The following CUL5 variants were observed in gnomAD, a reference collection of about 807,000 sequenced individuals.
CUL5 encodes the protein cullin 5, also known as cullin-5.
A neutral mutation model predicts 108.8 loss-of-function variants in CUL5; 26 were observed. That is an observed-to-expected ratio of 0.24 (90% CI 0.18 to 0.33). The LOEUF is 0.33. Among genes scored for constraint, CUL5 ranks in the 10% least tolerant of loss-of-function variants. The pLI is 1.00. For synonymous variants in CUL5, 334 were observed against 298.0 expected (o/e 1.12, Z -1.25); for missense variants, 524 against 909.2 (o/e 0.58, Z 5.45).
At chr11:108,061,023 A>G (rs1247372837) in intron 7 of CUL5, among the ~76,000 whole-genome samples, 1 of 152,174 alleles carries the variant, frequency 6.6e-6, no homozygotes, top group Non-Finnish European at 1.5e-5. Context: ...TGATAGTTAA[A>G]GTGTTTCACC....
chr11:108,103,923 A>G (rs1410493257), intron 18 of CUL5, among the ~76,000 whole-genome samples: 1 of 152,206 alleles, frequency 6.6e-6, no homozygotes, highest in Non-Finnish European at 1.5e-5. Flanking sequence ...CCCGTCATCT[A>G]CATGAGGTGT....
chr11:108,085,418 A>C (rs1219498587), intron 11 of CUL5, among the ~76,000 whole-genome samples: 1 of 151,310 alleles, frequency 6.6e-6, no homozygotes, highest in East Asian at 2.0e-4. Context: ...TTACCAGGGG[A>C]TGGGGAAGGG....
chr11:108,069,481 T>A (rs1206155199), intron 7 of CUL5, among the ~76,000 whole-genome samples: 1 of 152,154 alleles, frequency 6.6e-6, no homozygotes, highest in African/African-American at 2.4e-5. Flanking sequence ...AGGATCCCAT[T>A]TAGATACCAA....
In CUL5 at chr11:108,009,022, G is replaced by C. The variant is rs938263756; in HGVS notation, c.-327G>C. The C allele has an allele frequency of 4.5e-5, 18 of 401,994 alleles. No homozygotes were observed. Among genetic ancestry groups the C allele is most frequent in the African/African-American group, 3.7e-4 (18 of 48,282 alleles). The allele number at this position is 401,994 out of a possible 1,614,324, so 24.9% of individuals were successfully genotyped here. A position where few individuals can be genotyped will look rare whatever the true frequency, so the allele number is the denominator to read the frequency against. ...CCACAAAGGCTAATCCGAAGGAGTC[G>C]GGGAGGCTCGTGGAGTCGATGCTTC... On this transcript the variant is annotated 5_prime_UTR_variant, in exon 1 of 19. Transcript: ENST00000393094.
chr11:108,017,085 C>T (rs561994173), intron 1 of CUL5, among the ~76,000 whole-genome samples: 1 of 152,184 alleles, frequency 6.6e-6, no homozygotes, highest in East Asian at 1.9e-4. Flanking sequence ...TTATGCTGTA[C>T]TGGATACCAT....
At chr11:108,090,893 A>G (rs748313199) in intron 13 of CUL5, among the ~76,000 whole-genome samples, 1 of 152,194 alleles carries the variant, frequency 6.6e-6, no homozygotes, top group African/African-American at 2.4e-5. Flanking sequence ...ACTGCTTAGT[A>G]GGAAAAAGAA....
chr11:108,022,732 A>AG (rs1476431489), intron 1 of CUL5, among the ~76,000 whole-genome samples: 1 of 152,126 alleles, frequency 6.6e-6, no homozygotes, highest in Non-Finnish European at 1.5e-5. Context: ...CTGAAGCCTT[A>AG]GCTGTGTGCT....
Position 108,070,163 on chromosome 11 carries a change from G to A in CUL5, c.848G>A (p.Gly283Asp), listed in dbSNP as rs1421572823. ...GAGACTATCTTAGCTGAGTGCCAAG[G>A]CATGATCAAGAGAAATGAAACTGAA... The part of the protein sequence containing the change: ...FKETILAECQ[G>D]MIKRNETEKL... The change falls in exon 8 of 19, where the codon GGC (glycine) becomes GAC (aspartate). Residue 283 changes from glycine (G) to aspartate (D), a missense_variant. By Grantham distance (94) the Gly-to-Asp change is moderately conservative (BLOSUM62 -1). Around this residue, in one of 8 missense-constraint regions of CUL5, gnomAD observed 170 missense variants for 305.1 expected, o/e 0.56. Transcript: ENST00000393094. The A allele has an allele frequency of 5.6e-6, 9 of 1,611,658 alleles. No individual in the cohort carries two copies. Among genetic ancestry groups the A allele is most frequent in the East Asian group, 2.2e-5 (1 of 44,770 alleles).
At chr11:108,039,827 A>G (rs1862846983) in intron 2 of CUL5, among the ~76,000 whole-genome samples, 1 of 152,150 alleles carries the variant, frequency 6.6e-6, no homozygotes, top group South Asian at 2.1e-4. Context: ...TTTATCATGG[A>G]TCTGATGTTA....
intron 11 of CUL5, among the ~76,000 whole-genome samples, chr11:108,080,807 A>G (rs1864060342): frequency 6.6e-6 from 1 of 152,082 alleles, no homozygotes; most frequent in South Asian, 2.1e-4. Flanking sequence ...ATTTTCTCCC[A>G]TTCTGTAAGT....
chr11:108,066,537 C>A (rs1195238991), intron 7 of CUL5, among the ~76,000 whole-genome samples: 6 of 151,984 alleles, frequency 3.9e-5, no homozygotes, highest in Non-Finnish European at 8.8e-5. Context: ...TTTTCTTCTG[C>A]CTACCCAAAA....
chr11:108,089,726 G>A, intron 13 of CUL5, 103 bp downstream of exon 13: 1 of 664,284 alleles, frequency 1.5e-6, no homozygotes, highest in South Asian at 3.0e-5. Flanking sequence ...CAAAGAAGTA[G>A]GAAACATTTT....
chr11:108,021,216 G>A (rs1329624760), intron 1 of CUL5, among the ~76,000 whole-genome samples: 1 of 152,170 alleles, frequency 6.6e-6, no homozygotes, highest in Non-Finnish European at 1.5e-5. Context: ...ATGTCATTAA[G>A]TGACACATGG....
chr11:108,029,941 A>C (rs746443896), intron 1 of CUL5, among the ~76,000 whole-genome samples: 3 of 152,234 alleles, frequency 2.0e-5, no homozygotes, highest in Non-Finnish European at 2.9e-5. Context: ...GTGCTTGTGG[A>C]AATAGACTTA....
At chr11:108,029,835 T>G (rs1862534549) in intron 1 of CUL5, among the ~76,000 whole-genome samples, 1 of 152,226 alleles carries the variant, frequency 6.6e-6, no homozygotes, top group South Asian at 2.1e-4. Context: ...TAACCAGTGT[T>G]TAATTTATCT....
intron 2 of CUL5, among the ~76,000 whole-genome samples, chr11:108,041,439 G>T (rs1259695557): frequency 2.0e-5 from 3 of 150,960 alleles, no homozygotes; most frequent in Non-Finnish European, 4.4e-5. Context: ...CACCGTGCTG[G>T]CCAATTTTTG....
intron 11 of CUL5, among the ~76,000 whole-genome samples, chr11:108,088,047 GTTTT>G (rs923398395): frequency 6.8e-6 from 1 of 147,656 alleles, no homozygotes; most frequent in Non-Finnish European, 1.5e-5. Context: ...TTCATTTATA[GTTTT>G]TTTTTTAATG....
intron 10 of CUL5, among the ~76,000 whole-genome samples, chr11:108,077,446 A>G (rs1423487743): frequency 6.6e-6 from 1 of 152,050 alleles, no homozygotes; most frequent in African/African-American, 2.4e-5. Flanking sequence ...AGGAGTCAAC[A>G]TGATGAAACC....
intron 15 of CUL5, 23 bp downstream of exon 15, chr11:108,095,010 A>C: frequency 6.4e-7 from 1 of 1,573,524 alleles, no homozygotes; most frequent in Non-Finnish European, 8.6e-7. Flanking sequence ...TGTGTTAGTT[A>C]TTTCAGCTTT....
Sources: allele counts gnomAD v4.1 joint callset (sites outside exome capture counted in the v4.1 genomes callset), GRCh38; gene constraint gnomAD v4.1.1; regional missense constraint gnomAD v4.1.1; transcripts MANE v1.5; gene names NCBI Gene and HGNC (gene_info 2026-07-23, HGNC 2026-07-21).